The following DNM3 variants were observed in gnomAD, a reference collection of about 807,000 sequenced individuals.
The protein encoded by DNM3 is dynamin-3.
A neutral mutation model predicts 101.6 loss-of-function variants in DNM3; 47 were observed. That is an observed-to-expected ratio of 0.46 (90% CI 0.37 to 0.59). The LOEUF (loss-of-function observed/expected upper bound fraction) is 0.59, where lower values mean the gene tolerates loss of function less well. Ranked by LOEUF, DNM3 falls within the 20% of genes least tolerant of loss-of-function variation. The pLI is 0.00. For synonymous variants in DNM3, 385 were observed against 387.9 expected (o/e 0.99, Z 0.09); for missense variants, 849 against 1,085.7 (o/e 0.78, Z 3.06).
intron 15 of DNM3, among the ~76,000 whole-genome samples, chr1:172,296,667 G>T (rs1469222702): frequency 6.6e-6 from 1 of 152,138 alleles, no homozygotes; most frequent in African/African-American, 2.4e-5. Context: ...ATAAGGGTTT[G>T]TTTCGTGCTA....
chr1:172,212,721 G>T (rs552859542), intron 14 of DNM3, among the ~76,000 whole-genome samples: 18 of 152,226 alleles, frequency 1.2e-4, no homozygotes, highest in Non-Finnish European at 2.2e-4. Flanking sequence ...ACCACAAACT[G>T]ATTTGGGTAT....
chr1:172,326,141 C>G (rs1193938446), intron 17 of DNM3, among the ~76,000 whole-genome samples: 1 of 152,154 alleles, frequency 6.6e-6, no homozygotes. Flanking sequence ...CATGACGGAA[C>G]AAAACATCAA....
chr1:172,235,536 C>G (rs2061505919), intron 14 of DNM3, among the ~76,000 whole-genome samples: 1 of 152,100 alleles, frequency 6.6e-6, no homozygotes, highest in African/African-American at 2.4e-5. Flanking sequence ...GCTGTAAAGA[C>G]ACAGGCAGAC....
At chr1:172,057,153 A>G (rs565259278) in intron 10 of DNM3, among the ~76,000 whole-genome samples, 2 of 152,246 alleles carry the variant, frequency 1.3e-5, no homozygotes, top group East Asian at 3.9e-4. Context: ...AAAAAAGAAT[A>G]AAAAGAAACG....
At chr1:172,288,915 G>A (rs985912751) in intron 15 of DNM3, among the ~76,000 whole-genome samples, 17 of 152,120 alleles carry the variant, frequency 1.1e-4, no homozygotes, top group African/African-American at 4.1e-4. Flanking sequence ...CTCATAGAAA[G>A]TTATCTTAGG....
chr1:171,865,548 A>T (rs918645359), intron 1 of DNM3, among the ~76,000 whole-genome samples: 4 of 151,656 alleles, frequency 2.6e-5, no homozygotes, highest in Admixed American at 2.6e-4. Context: ...AAAGAATGAA[A>T]AAAGAACTGA....
chr1:172,154,407 T>C (rs769593216), intron 14 of DNM3, among the ~76,000 whole-genome samples: 4 of 152,058 alleles, frequency 2.6e-5, no homozygotes, highest in African/African-American at 4.8e-5. Context: ...TGCCACAAAA[T>C]GCTACAGATG....
chr1:172,018,959 T>G, intron 4 of DNM3, among the ~76,000 whole-genome samples: 1 of 150,966 alleles, frequency 6.6e-6, no homozygotes, highest in African/African-American at 2.4e-5. Context: ...TCACTTTTCC[T>G]TCCCCTTCCT....
At chr1:171,899,720 A>T (rs934339829) in intron 1 of DNM3, among the ~76,000 whole-genome samples, 1 of 152,246 alleles carries the variant, frequency 6.6e-6, no homozygotes, top group Non-Finnish European at 1.5e-5. Context: ...TAGACTTTGG[A>T]TACCCAAGAA....
At chr1:172,005,514 ACACTATCACTCGT>A (rs1233000915) in intron 4 of DNM3, among the ~76,000 whole-genome samples, 1 of 151,982 alleles carries the variant, frequency 6.6e-6, no homozygotes, top group Non-Finnish European at 1.5e-5. Flanking sequence ...AGGGCTGCCG[ACACTATCACTCGT>A]CTAAGGCTCC....
intron 2 of DNM3, among the ~76,000 whole-genome samples, chr1:171,928,225 T>C (rs1416310358): frequency 6.6e-6 from 1 of 152,194 alleles, no homozygotes; most frequent in African/African-American, 2.4e-5. Flanking sequence ...TCCTCACAGT[T>C]GCAGCTCTGT....
chr1:171,941,690 T>C (rs1314428600), intron 2 of DNM3, among the ~76,000 whole-genome samples: 4 of 152,230 alleles, frequency 2.6e-5, no homozygotes, highest in Non-Finnish European at 5.9e-5. Context: ...AATATCCTTG[T>C]TCATAGTATC....
chr1:172,087,892 A>G (rs922517356), intron 12 of DNM3, among the ~76,000 whole-genome samples: 1 of 152,158 alleles, frequency 6.6e-6, no homozygotes, highest in Non-Finnish European at 1.5e-5. Flanking sequence ...TATTGTTACT[A>G]TTCCTTTCTA....
At chr1:172,034,805 G>A (rs2048845236) in intron 6 of DNM3, among the ~76,000 whole-genome samples, 1 of 152,060 alleles carries the variant, frequency 6.6e-6, no homozygotes, top group African/African-American at 2.4e-5. Flanking sequence ...CACTGTCGGG[G>A]GAAGGCAGAG....
intron 15 of DNM3, among the ~76,000 whole-genome samples, chr1:172,274,738 T>A (rs891193865): frequency 6.9e-4 from 78 of 113,426 alleles, no homozygotes; most frequent in African/African-American, 2.1e-3. Context: ...TTTTTTTTTT[T>A]TAATTTTCAA....
At chr1:172,241,943 G>A (rs1042260226) in intron 14 of DNM3, among the ~76,000 whole-genome samples, 1 of 152,188 alleles carries the variant, frequency 6.6e-6, no homozygotes, top group South Asian at 2.1e-4. Flanking sequence ...GGCATTGGAA[G>A]AAGTGTTGAG....
intron 1 of DNM3, among the ~76,000 whole-genome samples, chr1:171,906,007 A>G (rs924835721): frequency 1.1e-4 from 17 of 152,290 alleles, no homozygotes; most frequent in Non-Finnish European, 2.2e-4. Context: ...AGAGGCAGTT[A>G]CTAGATTGTT....
At chr1:172,095,947 C>G (rs906414008) in intron 13 of DNM3, among the ~76,000 whole-genome samples, 2 of 152,116 alleles carry the variant, frequency 1.3e-5, no homozygotes, top group African/African-American at 4.8e-5. Context: ...GTATTCAAAA[C>G]CTATCTGTGT....
Position 172,410,682 on chromosome 1 carries a change from G to T in DNM3, c.*2841G>T, listed in dbSNP as rs774167787. The stretch of plus-strand genomic sequence containing the variant: ...TTTAGCCGTGTTTTATAACATAGAC[G>T]AGCAGTAGGGTCTGTTTATTAGCAA... On this transcript the variant is annotated 3_prime_UTR_variant, in exon 21 of 21. Transcript: ENST00000627582. 70 of 985,124 alleles carry T rather than the reference G, an allele frequency of 7.1e-5. No homozygotes were observed. Among genetic ancestry groups the T allele is most frequent in the Non-Finnish European group, 8.3e-5 (69 of 829,830 alleles). 61.0% of individuals were successfully genotyped at this position (985,124 alleles called of 1,614,324 possible).
Sources: gnomAD v4.1 joint callset for allele counts (sites outside exome capture counted in the v4.1 genomes callset) on GRCh38, gnomAD v4.1.1 for gene constraint, MANE v1.5 for transcripts, NCBI Gene and HGNC (gene_info 2026-07-23, HGNC 2026-07-21) for gene names.